The following NLRP2 variants were observed in gnomAD, a reference collection of about 807,000 sequenced individuals.
The protein encoded by NLRP2 is NACHT, LRR and PYD domains-containing protein 2.
Under a neutral mutation model 97.2 loss-of-function variants are expected in NLRP2, and 107 were observed. The ratio of observed to expected loss-of-function variants is 1.10; its 90% CI spans 0.94 to 1.29. NLRP2 has a LOEUF of 1.29. Ranked by LOEUF, NLRP2 falls within the 50% of genes most tolerant of loss-of-function variation. The pLI is 0.00. For synonymous variants in NLRP2, 663 were observed against 551.5 expected (o/e 1.20, Z -2.83); for missense variants, 1,495 against 1,330.3 (o/e 1.12, Z -1.93).
At chr19:54,992,503 TGTGTGTGTGGTGTGTG>T (rs1403579494) in intron 10 of NLRP2, among the ~76,000 whole-genome samples, 3 of 141,566 alleles carry the variant, frequency 2.1e-5, no homozygotes, top group African/African-American at 7.9e-5. Context: ...TTTGGTTGTG[TGTGTGTGTGGTGTGTG>T]GTGTGTGTGG....
chr19:54,975,135 T>C (rs930853697), intron 3 of NLRP2, among the ~76,000 whole-genome samples: 4 of 42,648 alleles, frequency 9.4e-5, no homozygotes, highest in African/African-American at 5.5e-4. Flanking sequence ...TTTTTTTTTT[T>C]TTTTTTTTGA....
chr19:54,994,469 T>C (rs866114902), intron 11 of NLRP2, 30 bp downstream of exon 11: 1 of 1,607,396 alleles, frequency 6.2e-7, no homozygotes. Context: ...CAACTTCCTA[T>C]ACTTACACCT....
rs7343150 is a variant in NLRP2, at chr19:54,984,069, T to G, written c.2030+341T>G. 6.8e-4 allele frequency among the ~76,000 whole-genome samples: 103 copies of G among 152,248 alleles called. 1 individual carries two copies. Among genetic ancestry groups the G allele is most frequent in the African/African-American group, 2.4e-3 (98 of 41,546 alleles). On this transcript the variant is annotated intron_variant, in intron 6 of 12. Transcript: ENST00000448584. ...TCTCAGCATGTTGGCCAGTCTGGTC[T>G]TGAACTCCGCCTGACCTCAGGTGAT...
chr19:54,983,600 A>T lies in NLRP2; in HGVS notation c.1902A>T (p.Ala634=). ...QFKEISLHLN[A]VDVVPSSFCV... ...AAGAAATATCCCTGCACTTAAATGC[A>T]GTAGACGTTGTGCCATCTTCATTCT... Residue 634 remains alanine, a synonymous_variant, in exon 6 of 13, where the codon GCA becomes GCT. Transcript: ENST00000448584. The T allele has an allele frequency of 6.2e-7, 1 of 1,614,202 alleles. No homozygotes were observed. Among genetic ancestry groups the T allele is most frequent in the Non-Finnish European group, 8.5e-7 (1 of 1,180,040 alleles).
At chr19:54,969,010 C>T (rs1262797887) in intron 1 of NLRP2, among the ~76,000 whole-genome samples, 24 of 152,078 alleles carry the variant, frequency 1.6e-4, no homozygotes, top group Admixed American at 1.6e-3. Context: ...TGTGTGTTTG[C>T]ATTATCATAT....
At chr19:54,987,215 C>G (rs112831693) in intron 8 of NLRP2, among the ~76,000 whole-genome samples, 2 of 145,152 alleles carry the variant, frequency 1.4e-5, no homozygotes, top group East Asian at 4.4e-4. Context: ...TATCTTCTAT[C>G]AGAGATCATT....
At chr19:54,974,058 A>G in intron 2 of NLRP2, 3 of 1,095,786 alleles carry the variant, frequency 2.7e-6, no homozygotes, top group East Asian at 2.5e-5. Context: ...AATGCTGGCT[A>G]TTAAAAGATA....
intron 3 of NLRP2, among the ~76,000 whole-genome samples, chr19:54,977,119 C>T (rs1436443450): frequency 1.3e-5 from 2 of 152,010 alleles, no homozygotes; most frequent in Non-Finnish European, 2.9e-5. Context: ...GCTGATTCCA[C>T]CTTGTTCTTA....
chr19:54,971,840 T>C lies in NLRP2; in HGVS notation c.280+1545T>C, dbSNP rs573802093. ...TGCACATGAACTATGGTTATTTAAC[T>C]CTTCTTGAGAGAGGATCTCACTCTG... On this transcript the variant is annotated intron_variant, in intron 2 of 12. Coordinates refer to ENST00000448584, the MANE Select transcript of NLRP2 (RefSeq NM_017852.5). Among the ~76,000 whole-genome samples, 19 of 147,966 alleles carry C rather than the reference T, an allele frequency of 1.3e-4. No individual in the cohort carries two copies. In the East Asian group the frequency reaches 3.7e-3, roughly 29 times the overall value.
chr19:55,001,056 T>C lies in NLRP2; in HGVS notation c.*158T>C. ...CATGATTCTGCCTCTGTTTTATACC[T>C]GCACACATCCTTATCTTTGTTACAT... On this transcript the variant is annotated 3_prime_UTR_variant, in exon 13 of 13. Coordinates refer to ENST00000448584, the MANE Select transcript of NLRP2 (RefSeq NM_017852.5). 1 of 647,968 alleles carries C rather than the reference T, an allele frequency of 1.5e-6. No individual in the cohort carries two copies. Among genetic ancestry groups the C allele is most frequent in the South Asian group, 1.8e-5 (1 of 56,974 alleles). The allele number at this position is 647,968 out of a possible 1,614,324, so 40.1% of individuals were successfully genotyped here. A position where few individuals can be genotyped will look rare whatever the true frequency, so the allele number is the denominator to read the frequency against.
Position 54,983,068 on chromosome 19 carries a change from G to T in NLRP2, c.1370G>T (p.Gly457Val). 6.2e-7 allele frequency: 1 copy of T among 1,612,572 alleles called. No individual in the cohort carries two copies. The highest frequency in any genetic ancestry group is 1.1e-5 in the South Asian group (1 of 91,020). The change falls in exon 6 of 13, where the codon GGC (glycine) becomes GTC (valine). Residue 457 changes from glycine to valine, a missense_variant. Coordinates refer to ENST00000448584, the MANE Select transcript of NLRP2 (RefSeq NM_017852.5). ...ACGCTGAGCCTCCTGGCCGCGCAGGGCCTGTGGGCGCAGACGTCCGTGCTT... is the reference window on the plus strand; with the variant it reads ...ACGCTGAGCCTCCTGGCCGCGCAGGTCCTGTGGGCGCAGACGTCCGTGCTT... ...LRTLSLLAAQ[G>V]LWAQTSVLHR...
chr19:54,982,175 G>T lies in NLRP2; in HGVS notation c.477G>T (p.Arg159Ser). Residue 159 changes from arginine (R) to serine (S), a missense_variant, in exon 6 of 13, where the codon AGG (arginine) becomes AGT (serine). Physicochemically the swap from Arg to Ser is moderately radical, Grantham distance 110 (BLOSUM62 -1). Coordinates refer to ENST00000448584, the MANE Select transcript of NLRP2 (RefSeq NM_017852.5). ...CCAATGATAAAGACAAAGACAATAG[G>T]TGCAGGTATATATTGAAGACGAAGT... is the stretch of plus-strand genomic sequence containing the variant. Reference protein sequence around the residue: ...FKGKKPDKDNRCRYILKTKFR... With the variant: ...FKGKKPDKDNSCRYILKTKFR... 1.9e-6 allele frequency: 3 copies of T among 1,614,068 alleles called. No individual in the cohort carries two copies. The highest frequency in any genetic ancestry group is 1.7e-6 in the Non-Finnish European group (2 of 1,180,030).
Position 54,994,386 on chromosome 19 carries a change from G to A in NLRP2, c.2826G>A (p.Met942Ile), listed in dbSNP as rs1275838648. The change falls in exon 11 of 13, where the codon ATG (methionine) becomes ATA (isoleucine). Residue 942 changes from methionine (M) to isoleucine (I), a missense_variant. Transcript: ENST00000448584. ...TGAATCACATAGGAGTTAAGGGAAT[G>A]AAGTTCCTGTGTGAGGCTTTGAGGA... Reference protein sequence around the residue: ...LGLNHIGVKGMKFLCEALRKP... With the variant: ...LGLNHIGVKGIKFLCEALRKP... 1 of 1,613,830 alleles carries A rather than the reference G, an allele frequency of 6.2e-7. No homozygotes were observed. The highest frequency in any genetic ancestry group is 8.5e-7 in the Non-Finnish European group (1 of 1,180,020).
chr19:54,976,703 G>A (rs763141733), intron 3 of NLRP2, among the ~76,000 whole-genome samples: 3 of 151,476 alleles, frequency 2.0e-5, no homozygotes, highest in African/African-American at 7.3e-5. Context: ...TCACATGCCC[G>A]TGTCCAGTTC....
intron 10 of NLRP2, 39 bp from the exon 11 acceptor site, chr19:54,994,230 C>G: frequency 1.9e-6 from 3 of 1,611,852 alleles, no homozygotes; most frequent in Non-Finnish European, 2.5e-6. Context: ...TGAGAACTCA[C>G]AGGTTCGGGT....
At chr19:54,986,470 G>T (rs2072094742) in intron 8 of NLRP2, 155 bp downstream of exon 8, 4 of 702,900 alleles carry the variant, frequency 5.7e-6, no homozygotes, top group Non-Finnish European at 1.0e-5. Context: ...CTGAACTTGA[G>T]TTTCTACTTG....
chr19:55,000,896 T>G lies in NLRP2; in HGVS notation c.3187T>G (p.Ter1063GlyextTer22). ...ERPSSHDFMI[*>G] The stretch of plus-strand genomic sequence containing the variant: ...GCCTTCTTCTCATGACTTCATGATC[T>G]GAATCCCCCCGAGTCATTCATTCTC... Residue 1063 changes from the stop codon to glycine, a stop_lost, in exon 13 of 13, where the codon TGA (stop) becomes GGA (glycine). Coordinates refer to ENST00000448584, the MANE Select transcript of NLRP2 (RefSeq NM_017852.5). 6.2e-7 allele frequency: 1 copy of G among 1,613,694 alleles called. No homozygotes were observed. The highest frequency in any genetic ancestry group is 8.5e-7 in the Non-Finnish European group (1 of 1,179,682).
intron 2 of NLRP2, 75 bp from the exon 3 acceptor site, chr19:54,974,425 C>T (rs545810931): frequency 1.2e-5 from 13 of 1,069,470 alleles, no homozygotes; most frequent in Non-Finnish European, 1.9e-5. Flanking sequence ...TAAGTGTCAT[C>T]TTTTCTTTTA....
intron 2 of NLRP2, among the ~76,000 whole-genome samples, chr19:54,971,820 A>G (rs1287510509): frequency 6.6e-6 from 1 of 151,832 alleles, no homozygotes; most frequent in East Asian, 1.9e-4. Flanking sequence ...TAAAATGCAC[A>G]TGAACTATGG....
Sources: allele counts gnomAD v4.1 joint callset (sites outside exome capture counted in the v4.1 genomes callset), GRCh38; gene constraint gnomAD v4.1.1; transcripts MANE v1.5; gene names NCBI Gene and HGNC (gene_info 2026-07-23, HGNC 2026-07-21).